The following RHOBTB3 variants were observed in gnomAD, a reference collection of about 807,000 sequenced individuals.
The protein encoded by RHOBTB3 is rho-related BTB domain-containing protein 3.
RHOBTB3 carries 47 observed loss-of-function variants against 67.2 expected under a neutral mutation model. That is an observed-to-expected ratio of 0.70 (90% CI 0.55 to 0.89). The LOEUF is 0.89. Among genes scored for constraint, RHOBTB3 ranks in the 40% least tolerant of loss-of-function variants. The pLI is 0.00. For missense variants in RHOBTB3, 631 were observed against 750.0 expected, an observed-to-expected ratio of 0.84 and a Z score of 1.85; for synonymous variants, 273 against 274.2, an observed-to-expected ratio of 1.00 and a Z score of 0.04.
At chr5:95,767,618 ACTGCAC>A (rs1745585784) in intron 7 of RHOBTB3, 6 of 533,378 alleles carry the variant, frequency 1.1e-5, no homozygotes, top group South Asian at 1.0e-4. Flanking sequence ...GGCATGAGCC[ACTGCAC>A]CTGGCCAAAA....
chr5:95,737,306 C>T (rs1484669835), intron 3 of RHOBTB3, among the ~76,000 whole-genome samples: 4 of 152,174 alleles, frequency 2.6e-5, no homozygotes, highest in East Asian at 3.8e-4. Flanking sequence ...CTAAATGGCT[C>T]TTCTACAGTA....
intron 3 of RHOBTB3, among the ~76,000 whole-genome samples, chr5:95,746,161 G>A (rs149046632): frequency 6.6e-6 from 1 of 152,222 alleles, no homozygotes; most frequent in Non-Finnish European, 1.5e-5. Flanking sequence ...GTGTAGGTAA[G>A]TTGCTTACAA....
chr5:95,723,085 A>G (rs184225739), intron 1 of RHOBTB3, among the ~76,000 whole-genome samples: 21 of 152,322 alleles, frequency 1.4e-4, no homozygotes, highest in African/African-American at 4.6e-4. Context: ...CATGTACATA[A>G]CATTCTAGAT....
At position 95,764,091 on chromosome 5, in the gene RHOBTB3, T is replaced by C. The variant is rs553954466; in HGVS notation, c.1161+471T>C. Among the ~76,000 whole-genome samples the C allele has an allele frequency of 2.0e-5, 3 of 152,344 alleles. No individual in the cohort carries two copies. In the South Asian group the frequency reaches 6.2e-4, roughly 32 times the overall value. On this transcript the variant is annotated intron_variant, in intron 7 of 11. Coordinates refer to ENST00000379982, the MANE Select transcript of RHOBTB3 (RefSeq NM_014899.4). ...TCCCAAGGTGCTGGGATTACAGGCATGAGCCACCACACTCGGCCCTATCTT... is the reference window on the plus strand; with the variant it reads ...TCCCAAGGTGCTGGGATTACAGGCACGAGCCACCACACTCGGCCCTATCTT...
rs1746509685 is a variant in RHOBTB3, at chr5:95,794,370, G to C, written c.*1196G>C. On this transcript the variant is annotated 3_prime_UTR_variant, in exon 12 of 12. Coordinates refer to ENST00000379982, the MANE Select transcript of RHOBTB3 (RefSeq NM_014899.4). ...ATTTGTTTTTAGTGTTATTTACCAA[G>C]ATTAGGACGTCAGTGGCTTAAATTC... 5.9e-6 allele frequency: 1 copy of C among 170,592 alleles called. No individual in the cohort carries two copies. Among genetic ancestry groups the C allele is most frequent in the African/African-American group, 2.4e-5 (1 of 41,988 alleles). 10.6% of individuals were successfully genotyped at this position (170,592 alleles called of 1,614,324 possible). A position where few individuals can be genotyped will look rare whatever the true frequency, so the allele number is the denominator to read the frequency against.
intron 3 of RHOBTB3, among the ~76,000 whole-genome samples, chr5:95,738,679 A>T (rs1380242992): frequency 6.6e-6 from 1 of 151,880 alleles, no homozygotes; most frequent in South Asian, 2.1e-4. Flanking sequence ...GATATTGGAC[A>T]TCTCAGCCTC....
intron 3 of RHOBTB3, among the ~76,000 whole-genome samples, chr5:95,737,684 T>C (rs979533360): frequency 6.6e-6 from 1 of 152,264 alleles, no homozygotes; most frequent in Admixed American, 6.5e-5. Flanking sequence ...TAAAGCTATT[T>C]TTAAAATTTT....
chr5:95,728,163 G>A (rs1303666941), upstream of RHOBTB3, among the ~76,000 whole-genome samples: 2 of 152,226 alleles, frequency 1.3e-5, no homozygotes, highest in Non-Finnish European at 2.9e-5. Flanking sequence ...GGTTTGGTGA[G>A]TATGTAGCCA....
intron 8 of RHOBTB3, among the ~76,000 whole-genome samples, chr5:95,773,416 A>G (rs907990527): frequency 1.3e-5 from 2 of 152,172 alleles, no homozygotes; most frequent in South Asian, 4.1e-4. Context: ...CTCTAAGGCC[A>G]GCTATAGGCA....
At chr5:95,791,916 C>T (rs1229904085) in intron 11 of RHOBTB3, among the ~76,000 whole-genome samples, 2 of 152,148 alleles carry the variant, frequency 1.3e-5, no homozygotes, top group African/African-American at 4.8e-5. Flanking sequence ...GAATGCCTAA[C>T]TGTCTGGGAA....
At chr5:95,788,734 A>G in intron 10 of RHOBTB3, 28 bp from the exon 11 acceptor site, 1 of 1,467,084 alleles carries the variant, frequency 6.8e-7, no homozygotes, top group African/African-American at 1.4e-5. Context: ...TATGTGCAAT[A>G]TTATTTCACT....
intron 2 of RHOBTB3, among the ~76,000 whole-genome samples, chr5:95,736,243 A>G (rs1755453308): frequency 6.6e-6 from 1 of 152,254 alleles, no homozygotes; most frequent in Non-Finnish European, 1.5e-5. Flanking sequence ...TTATGTAGGC[A>G]AAATACGTGA....
intron 3 of RHOBTB3, among the ~76,000 whole-genome samples, chr5:95,743,886 T>C (rs1045821686): frequency 6.6e-6 from 1 of 151,880 alleles, no homozygotes; most frequent in Non-Finnish European, 1.5e-5. Context: ...TTTTTGTATT[T>C]TTAGTAGAGG....
intron 7 of RHOBTB3, chr5:95,767,777 C>G: frequency 1.4e-6 from 1 of 701,124 alleles, no homozygotes. Context: ...GTTTCAGGAC[C>G]TTGCAGCTTC....
chr5:95,731,631 C>A lies in RHOBTB3; in HGVS notation c.-52C>A. On this transcript the variant is annotated 5_prime_UTR_variant, in exon 1 of 12. Coordinates refer to ENST00000379982, the MANE Select transcript of RHOBTB3 (RefSeq NM_014899.4). ...TCGCCGCCCGGGGGCCCCGCGAAGC[C>A]GTGAGCCGCTGCTTTTCTCCGAGTC... 6.2e-7 allele frequency: 1 copy of A among 1,611,182 alleles called. No homozygotes were observed.
chr5:95,775,444 A>T (rs2112823479), intron 8 of RHOBTB3, among the ~76,000 whole-genome samples: 1 of 149,362 alleles, frequency 6.7e-6, no homozygotes, highest in Non-Finnish European at 1.5e-5. Flanking sequence ...ACTATTAAAC[A>T]TTCTTAATAA....
chr5:95,731,297 C>A, upstream of RHOBTB3: 8 of 1,040,512 alleles, frequency 7.7e-6, no homozygotes, highest in Non-Finnish European at 9.2e-6. Context: ...TCCCCGACCC[C>A]CCTTCTCTGC....
chr5:95,792,462 A>C (rs1746435078), intron 11 of RHOBTB3, among the ~76,000 whole-genome samples: 1 of 151,762 alleles, frequency 6.6e-6, no homozygotes, highest in Non-Finnish European at 1.5e-5. Flanking sequence ...AAAAAAAATA[A>C]GTCCGTTATA....
chr5:95,764,737 A>G (rs1025275550), intron 7 of RHOBTB3, among the ~76,000 whole-genome samples: 1 of 152,330 alleles, frequency 6.6e-6, no homozygotes, highest in East Asian at 1.9e-4. Context: ...GTTTTCTAAA[A>G]CCTGTTAACA....
Sources: gnomAD v4.1 joint callset for allele counts (sites outside exome capture counted in the v4.1 genomes callset) on GRCh38, gnomAD v4.1.1 for gene constraint, MANE v1.5 for transcripts, NCBI Gene and HGNC (gene_info 2026-07-23, HGNC 2026-07-21) for gene names.